TBC1D1: variants seen among roughly 807,000 people sequenced by gnomAD.
TBC1D1 encodes TBC1 (tre-2/USP6, BUB2, cdc16) domain family, member 1.
Under a neutral mutation model 125.6 loss-of-function variants are expected in TBC1D1, and 89 were observed. The observed-to-expected ratio is 0.71, with a 90% CI of 0.60 to 0.85. The LOEUF is 0.85. Among genes scored for constraint, TBC1D1 ranks in the 40% least tolerant of loss-of-function variants. TBC1D1 has a pLI of 0.00. For synonymous variants in TBC1D1, 565 were observed against 564.1 expected, an observed-to-expected ratio of 1.00 and a Z score of -0.02; for missense variants, 1,377 against 1,469.2, an observed-to-expected ratio of 0.94 and a Z score of 1.03.
At chr4:37,925,823 T>C (rs963143577) in intron 2 of TBC1D1, among the ~76,000 whole-genome samples, 4 of 151,680 alleles carry the variant, frequency 2.6e-5, no homozygotes, top group African/African-American at 9.7e-5. Flanking sequence ...AAAAAAAAAG[T>C]TTAAAATAAA....
rs1187727158 is a variant in TBC1D1 at position 38,044,728 on chromosome 4, C to T, written c.1542+238C>T. On this transcript the variant is annotated intron_variant, in intron 9 of 19. Coordinates refer to ENST00000261439, the MANE Select transcript of TBC1D1 (RefSeq NM_015173.4). ...ATTATATCCAATGGGATTTTTTTGC[C>T]GCTCCAAAGAATATTTGTTAGCCAG... Among the ~76,000 whole-genome samples, 8 of 151,614 alleles carry T rather than the reference C, an allele frequency of 5.3e-5. No individual in the cohort carries two copies. In the East Asian group the frequency reaches 7.7e-4, roughly 15 times the overall value.
chr4:38,036,289 A>T (rs1282920151), intron 8 of TBC1D1, among the ~76,000 whole-genome samples: 1 of 152,146 alleles, frequency 6.6e-6, no homozygotes, highest in Admixed American at 6.5e-5. Flanking sequence ...CTCTCTGCAG[A>T]TCTCTCCCTT....
chr4:37,927,507 C>T (rs1217434448), intron 2 of TBC1D1, among the ~76,000 whole-genome samples: 2 of 152,158 alleles, frequency 1.3e-5, no homozygotes, highest in Admixed American at 1.3e-4. Context: ...CCAAGATCCA[C>T]GATTCCAGCT....
chr4:38,071,357 A>G (rs1376668721), intron 12 of TBC1D1, among the ~76,000 whole-genome samples: 1 of 152,164 alleles, frequency 6.6e-6, no homozygotes, highest in East Asian at 1.9e-4. Context: ...TCAGTTTGTT[A>G]TATTTATAGT....
intron 2 of TBC1D1, among the ~76,000 whole-genome samples, chr4:37,911,461 G>C (rs900277878): frequency 6.6e-6 from 1 of 152,062 alleles, no homozygotes; most frequent in Non-Finnish European, 1.5e-5. Flanking sequence ...GTTGAGATTT[G>C]GGGGAGGAGC....
chr4:37,924,250 C>T (rs562784107), intron 2 of TBC1D1, among the ~76,000 whole-genome samples: 1 of 152,266 alleles, frequency 6.6e-6, no homozygotes, highest in African/African-American at 2.4e-5. Flanking sequence ...TTTCTCATCA[C>T]AGTGCTATGA....
At position 38,115,767 on chromosome 4, in the gene TBC1D1, C is replaced by A; in HGVS notation, c.2615C>A (p.Ser872Ter). The change falls in exon 16 of 20, where the codon TCG (serine) becomes TAG (stop). Residue 872 changes from serine to a stop codon, truncating the protein, a stop_gained. Coordinates refer to ENST00000261439, the MANE Select transcript of TBC1D1 (RefSeq NM_015173.4). LOFTEE classifies it high-confidence loss of function. Reference sequence around the variant, plus strand: ...GCCCAGCTTGGAGCAGGACAGCTATCGCTTTACAACATTTTGAAGGCCTAC... The same window carrying A: ...GCCCAGCTTGGAGCAGGACAGCTATAGCTTTACAACATTTTGAAGGCCTAC... 6.2e-7 allele frequency: 1 copy of A among 1,614,172 alleles called. No homozygotes were observed. The highest frequency in any genetic ancestry group is 8.5e-7 in the Non-Finnish European group (1 of 1,180,024).
At chr4:38,023,417 A>G (rs1029375332) in intron 6 of TBC1D1, among the ~76,000 whole-genome samples, 1 of 152,212 alleles carries the variant, frequency 6.6e-6, no homozygotes, top group Non-Finnish European at 1.5e-5. Context: ...GTCCATTCAC[A>G]TTGTTGTACA....
intron 14 of TBC1D1, among the ~76,000 whole-genome samples, chr4:38,098,873 G>A (rs1759818554): frequency 6.6e-6 from 1 of 152,120 alleles, no homozygotes; most frequent in Non-Finnish European, 1.5e-5. Context: ...TGGAAATAAA[G>A]GAATTTATAA....
chr4:37,943,819 C>G (rs1726085403), intron 2 of TBC1D1, among the ~76,000 whole-genome samples: 1 of 152,162 alleles, frequency 6.6e-6, no homozygotes. Flanking sequence ...TTGTCTGAAG[C>G]CTTCTTCCCT....
At chr4:38,036,623 A>G (rs956856216) in intron 8 of TBC1D1, among the ~76,000 whole-genome samples, 1 of 152,094 alleles carries the variant, frequency 6.6e-6, no homozygotes, top group African/African-American at 2.4e-5. Flanking sequence ...CCAAGTGTGC[A>G]GTTTTCATGG....
intron 16 of TBC1D1, among the ~76,000 whole-genome samples, chr4:38,116,905 A>G (rs1265489061): frequency 1.3e-5 from 2 of 152,200 alleles, no homozygotes; most frequent in African/African-American, 4.8e-5. Context: ...ATGTGATTCA[A>G]AATCTTTTCA....
In TBC1D1 at chr4:37,902,120, A is replaced by G; in HGVS notation, c.25A>G (p.Arg9Gly). 1 of 1,607,256 alleles carries G rather than the reference A, an allele frequency of 6.2e-7. No individual in the cohort carries two copies. Among genetic ancestry groups the G allele is most frequent in the Non-Finnish European group, 8.5e-7 (1 of 1,177,034 alleles). ...GATGGAACCAATAACATTCACAGCA[A>G]GGAAACATCTGCTTTCTAACGAGGT... Residue 9 changes from arginine (R) to glycine (G), a missense_variant, in exon 2 of 20, where the codon AGG (arginine) becomes GGG (glycine). Around this residue, in one of 3 missense-constraint regions of TBC1D1, gnomAD observed 822 missense variants for 824.6 expected, o/e 1.00. Transcript: ENST00000261439.
chr4:38,117,982 A>T, intron 16 of TBC1D1, 51 bp from the exon 19 acceptor site: 1 of 1,569,970 alleles, frequency 6.4e-7, no homozygotes, highest in Non-Finnish European at 8.7e-7. Flanking sequence ...GCATAACTTT[A>T]TTGCTGTGGC....
intron 2 of TBC1D1, among the ~76,000 whole-genome samples, chr4:37,994,678 T>C (rs7665468): frequency 0.28 from 42,266 of 152,078 alleles, 6,403 homozygotes; most frequent in African/African-American, 0.39. Flanking sequence ...TTGCTGCTGC[T>C]TTTAAAGTGT....
rs140978132 is a variant in TBC1D1 at position 38,031,242 on chromosome 4, G to A, written c.1302+3363G>A. On this transcript the variant is annotated intron_variant, in intron 7 of 19. Transcript: ENST00000261439. ...CCTAATCTATATGAGTGTGTTTCAG[G>A]GAATGACTTAATTAAATACTGACTA... Among the ~76,000 whole-genome samples the A allele has an allele frequency of 6.9e-3, 1,056 of 151,992 alleles. 9 individuals carry two copies. Among genetic ancestry groups the A allele is most frequent in the African/African-American group, 0.02 (811 of 41,412 alleles).
At position 38,138,018 on chromosome 4, in the gene TBC1D1, T is replaced by G. The variant is rs776821269; in HGVS notation, c.*683T>G. ...TACTATTTGAATGTTTAAGATCACT[T>G]TATTGAATTTGAAGATCATCAAATT... On this transcript the variant is annotated 3_prime_UTR_variant, in exon 20 of 20. Coordinates refer to ENST00000261439, the MANE Select transcript of TBC1D1 (RefSeq NM_015173.4). 3.9e-5 allele frequency: 6 copies of G among 152,592 alleles called. No individual in the cohort carries two copies. The highest frequency in any genetic ancestry group is 6.5e-5 in the Admixed American group (1 of 15,288). The allele number at this position is 152,592 out of a possible 1,614,324, so 9.5% of individuals were successfully genotyped here. A position where few individuals can be genotyped will look rare whatever the true frequency, so the allele number is the denominator to read the frequency against.
chr4:37,929,062 T>C (rs1722731954), intron 2 of TBC1D1, among the ~76,000 whole-genome samples: 1 of 152,222 alleles, frequency 6.6e-6, no homozygotes, highest in Non-Finnish European at 1.5e-5. Flanking sequence ...AAATGTGTCA[T>C]GATGAAATTG....
intron 2 of TBC1D1, among the ~76,000 whole-genome samples, chr4:37,986,577 C>T (rs1560573737): frequency 2.0e-5 from 3 of 152,242 alleles, no homozygotes; most frequent in Non-Finnish European, 4.4e-5. Context: ...TCCAGAGTAG[C>T]TGGGACTACA....
Sources: gnomAD v4.1 joint callset for allele counts (sites outside exome capture counted in the v4.1 genomes callset) on GRCh38, gnomAD v4.1.1 for gene constraint, gnomAD v4.1.1 regional missense constraint, MANE v1.5 for transcripts, NCBI Gene and HGNC (gene_info 2026-07-23, HGNC 2026-07-21) for gene names.